The following TNS1 variants were observed in gnomAD, a reference collection of about 807,000 sequenced individuals.
The protein encoded by TNS1 is tensin-1.
TNS1 carries 62 observed loss-of-function variants against 168.6 expected under a neutral mutation model. That is an observed-to-expected ratio of 0.37 (90% CI 0.30 to 0.45). TNS1 has a LOEUF of 0.45. Ranked by LOEUF, TNS1 falls within the 20% of genes least tolerant of loss-of-function variation. The pLI is 1.00. For synonymous variants in TNS1, 934 were observed against 933.2 expected (o/e 1.00, Z -0.02); for missense variants, 2,240 against 2,339.4 (o/e 0.96, Z 0.88).
intron 18 of TNS1, 74 bp from the exon 19 acceptor site, chr2:217,849,161 G>T: frequency 6.6e-7 from 1 of 1,516,966 alleles, no homozygotes. Context: ...CATCCACTCT[G>T]CCAGAGAAAG....
intron 24 of TNS1, among the ~76,000 whole-genome samples, chr2:217,815,928 G>A (rs1941824232): frequency 2.0e-5 from 3 of 151,976 alleles, no homozygotes; most frequent in Non-Finnish European, 2.9e-5. Flanking sequence ...CTAGAATCTA[G>A]AGGCCATCTA....
rs149386054 is a variant in TNS1, at chr2:218,027,112, AAC to A, written c.156+6706_156+6707del. 3.3e-3 allele frequency among the ~76,000 whole-genome samples: 502 copies of A among 150,594 alleles called. 3 individuals are homozygous for A. Among genetic ancestry groups the A allele is most frequent in the African/African-American group, 0.011 (443 of 41,036 alleles). ...TACCTGTACCGCACCCCACCCCACA[AAC>A]ACACACACACACACGCTCATTCTTG... On this transcript the variant is annotated intron_variant, in intron 1 of 1. Transcript: ENST00000649572.
At chr2:217,909,354 C>T (rs1328822538) in intron 4 of TNS1, among the ~76,000 whole-genome samples, 1 of 152,144 alleles carries the variant, frequency 6.6e-6, no homozygotes, top group Non-Finnish European at 1.5e-5. Flanking sequence ...GTCCGCTACC[C>T]AGCCTCCTAG....
Position 217,816,754 on chromosome 2 carries a change from C to T in TNS1, c.4642+936G>A, listed in dbSNP as rs184951410. On this transcript the variant is annotated intron_variant, in intron 24 of 32. Coordinates refer to ENST00000682258, the MANE Select transcript of TNS1 (RefSeq NM_001387777.1). ...AGAGGGGCTGGGAACCAGATGTCCC[C>T]GGTGGGCGGCAGGAAACAGGCAGTG... Among the ~76,000 whole-genome samples, 66 of 152,218 alleles carry T rather than the reference C, an allele frequency of 4.3e-4. No individual in the cohort carries two copies. In the East Asian group the frequency reaches 0.01, roughly 24 times the overall value.
chr2:217,862,570 C>A (rs1369825106), intron 18 of TNS1, among the ~76,000 whole-genome samples: 1 of 152,238 alleles, frequency 6.6e-6, no homozygotes, highest in Non-Finnish European at 1.5e-5. Flanking sequence ...GGGCAGTCAG[C>A]CCAGGCAATT....
rs1036670617 is a variant in TNS1, at chr2:218,032,640, A to G, written c.156+1180T>C. ...CACCCAGGAGATGTTTATCTGCCCCAAGAACGAGGGTATCACCCCTCCTCT... is the reference window on the plus strand; with the variant it reads ...CACCCAGGAGATGTTTATCTGCCCCGAGAACGAGGGTATCACCCCTCCTCT... On this transcript the variant is annotated intron_variant, in intron 1 of 1. Transcript: ENST00000649572. This position sits in a 1 kb window ranked among gnomAD's most constrained non-coding sequence, Gnocchi z 4.0. Among the ~76,000 whole-genome samples the G allele has an allele frequency of 2.0e-5, 3 of 152,130 alleles. No individual in the cohort carries two copies. Among genetic ancestry groups the G allele is most frequent in the African/African-American group, 7.2e-5 (3 of 41,422 alleles).
chr2:217,930,506 G>A (rs1418216643), intron 3 of TNS1, among the ~76,000 whole-genome samples: 1 of 152,234 alleles, frequency 6.6e-6, no homozygotes, highest in Non-Finnish European at 1.5e-5. Flanking sequence ...ACATGACCTG[G>A]AGGGCCAGGC....
intron 23 of TNS1, among the ~76,000 whole-genome samples, chr2:217,819,949 G>A (rs1040886486): frequency 2.0e-5 from 3 of 152,140 alleles, no homozygotes; most frequent in South Asian, 2.1e-4. Context: ...TCAGGTTCAC[G>A]GGGTGATATG....
At position 217,804,321 on chromosome 2, in the gene TNS1, C is replaced by A; in HGVS notation, c.*138G>T. 9.9e-7 allele frequency: 1 copy of A among 1,006,680 alleles called. No individual in the cohort carries two copies. Among genetic ancestry groups the A allele is most frequent in the South Asian group, 1.6e-5 (1 of 63,522 alleles). The allele number at this position is 1,006,680 out of a possible 1,614,324, so 62.4% of individuals were successfully genotyped here. A position where few individuals can be genotyped will look rare whatever the true frequency, so the allele number is the denominator to read the frequency against. On this transcript the variant is annotated 3_prime_UTR_variant, in exon 33 of 33. Transcript: ENST00000682258. The stretch of plus-strand genomic sequence containing the variant: ...CCTCCCCTCTGCAATTCACTTCCCT[C>A]TCCCCACGTTGCACTTTCTTCTCTC...
intron 20 of TNS1, 114 bp from the exon 21 acceptor site, chr2:217,835,280 C>A: frequency 1.0e-6 from 1 of 967,506 alleles, no homozygotes; most frequent in Non-Finnish European, 1.5e-6. Context: ...ATCCCCTCGT[C>A]AGCCTGGCTC....
At chr2:217,891,111 C>T (rs528180313) in intron 11 of TNS1, 66 bp from the exon 12 acceptor site, 1 of 1,525,776 alleles carries the variant, frequency 6.6e-7, no homozygotes, top group Non-Finnish European at 9.1e-7. Context: ...GTTTTCCCCA[C>T]CCCTGCTCCC....
intron 32 of TNS1, among the ~76,000 whole-genome samples, chr2:217,805,466 CCACACACACCACACACACCACA>C (rs1938392456): frequency 2.8e-5 from 2 of 71,874 alleles, no homozygotes; most frequent in Non-Finnish European, 5.7e-5. Context: ...ACACACACCA[CCACACACACCACACACACCACA>C]CACACACCAC....
In TNS1 at chr2:217,880,907, C is replaced by T. The variant is rs750603103; in HGVS notation, c.1420G>A (p.Gly474Ser). ...ACTAGGTCCCACCTACCCTCCATGC[C>T]GTCATCTCGATGCCCACTGAAGTTG... ...YDNFSGHRDDGMEEVVGHTQG... is the reference protein window; with the variant it reads ...YDNFSGHRDDSMEEVVGHTQG... The change falls in exon 18 of 33, where the codon GGC becomes AGC. Residue 474 changes from glycine to serine, a missense_variant. Physicochemically the swap from Gly to Ser is moderately conservative, Grantham distance 56 (BLOSUM62 0). This residue lies in a region of TNS1 where 2,131 missense variants were observed against 2,171.2 expected (regional missense o/e 0.98). Transcript: ENST00000682258. The surrounding 1 kb of genome is among the most constrained non-coding windows in gnomAD (Gnocchi z 4.2). 30 of 1,613,534 alleles carry T rather than the reference C, an allele frequency of 1.9e-5. 1 individual carries two copies. In the South Asian group the frequency reaches 3.1e-4, roughly 17 times the overall value.
At chr2:217,817,607 A>C (rs1297984696) in intron 24 of TNS1, 83 bp downstream of exon 24, 1 of 1,239,668 alleles carries the variant, frequency 8.1e-7, no homozygotes, top group African/African-American at 1.5e-5. Flanking sequence ...AGAGAATGTC[A>C]GAATAGACAC....
chr2:217,936,030 A>C (rs377088810), intron 3 of TNS1, among the ~76,000 whole-genome samples: 7 of 152,308 alleles, frequency 4.6e-5, no homozygotes, highest in African/African-American at 1.7e-4. Flanking sequence ...GTCCCTGACC[A>C]CCTGCGACAT....
At chr2:217,840,275 GAA>G (rs1394090256) in intron 19 of TNS1, among the ~76,000 whole-genome samples, 1 of 152,272 alleles carries the variant, frequency 6.6e-6, no homozygotes, top group Admixed American at 6.5e-5. Flanking sequence ...GCAGGGGAAG[GAA>G]GAGGTGATTC....
intron 3 of TNS1, among the ~76,000 whole-genome samples, chr2:217,940,023 G>T (rs1355332021): frequency 6.6e-6 from 1 of 152,266 alleles, no homozygotes; most frequent in Non-Finnish European, 1.5e-5. Context: ...TTGCATAATG[G>T]AAGTGTCACC....
chr2:217,874,768 T>C (rs1263272829), intron 18 of TNS1, among the ~76,000 whole-genome samples: 1 of 152,266 alleles, frequency 6.6e-6, no homozygotes, highest in Non-Finnish European at 1.5e-5. Flanking sequence ...ATTTCATGTA[T>C]ATTACCTCAT....
chr2:217,922,609 G>A (rs1955782998), intron 3 of TNS1, among the ~76,000 whole-genome samples: 1 of 152,216 alleles, frequency 6.6e-6, no homozygotes, highest in Non-Finnish European at 1.5e-5. Flanking sequence ...GCTACATTTT[G>A]AACCAGCAGC....
Sources: allele counts gnomAD v4.1 joint callset (sites outside exome capture counted in the v4.1 genomes callset), GRCh38; gene constraint gnomAD v4.1.1; regional missense constraint gnomAD v4.1.1; non-coding constraint Gnocchi (gnomAD v3.1); transcripts MANE v1.5; gene names NCBI Gene and HGNC (gene_info 2026-07-23, HGNC 2026-07-21).